Variants in CPA5 observed in about 807,000 individuals in gnomAD.
CPA5 encodes testicular tissue protein Li 32.
In CPA5, 38 loss-of-function variants were observed where a neutral mutation model predicts 52.2. The ratio of observed to expected loss-of-function variants is 0.73; its 90% CI spans 0.56 to 0.95. The LOEUF (loss-of-function observed/expected upper bound fraction) is 0.95. Ranked by LOEUF, CPA5 falls within the 40% of genes least tolerant of loss-of-function variation. The pLI is 0.00. For synonymous variants in CPA5, 198 were observed against 213.7 expected (o/e 0.93, Z 0.64); for missense variants, 519 against 566.7 (o/e 0.92, Z 0.86).
chr7:130,359,118 A>C (rs1466800012), intron 5 of CPA5, among the ~76,000 whole-genome samples: 1 of 152,238 alleles, frequency 6.6e-6, no homozygotes, highest in East Asian at 1.9e-4. Flanking sequence ...GGGTCAGTGC[A>C]CATGGTTCAC....
rs186709488 is a variant in CPA5, at chr7:130,361,002, G to C, written c.433-141G>C. On this transcript the variant is annotated intron_variant, in intron 6 of 12. Coordinates refer to ENST00000474905, the MANE Select transcript of CPA5 (RefSeq NM_080385.5). ...GCTCTATTTTTGCAATTCTTTATCT[G>C]GGTTCTTTTAGACCCTCGAGGGTCT... 69 of 604,314 alleles carry C rather than the reference G, an allele frequency of 1.1e-4. No homozygotes were observed. In the Admixed American group the frequency reaches 1.5e-3, roughly 13 times the overall value. The allele number at this position is 604,314 out of a possible 1,614,324, so 37.4% of individuals were successfully genotyped here. A position where few individuals can be genotyped will look rare whatever the true frequency, so the allele number is the denominator to read the frequency against.
rs782288195 is a variant in CPA5 at position 130,367,916 on chromosome 7, C to A, written c.1049C>A (p.Ala350Asp). The stretch of plus-strand genomic sequence containing the variant: ...AATGTCATCTTGCAGTACGATCTTG[C>A]CAAGGATGCGGTGGAGGCCTTGTAT... ...VSNQRELYDL[A>D]KDAVEALYKV... is the part of the protein sequence containing the mutation. Residue 350 changes from alanine to aspartate, a missense_variant, in exon 12 of 13, where the codon GCC becomes GAC. Coordinates refer to ENST00000474905, the MANE Select transcript of CPA5 (RefSeq NM_080385.5). The A allele has an allele frequency of 6.2e-7, 1 of 1,614,176 alleles. No individual in the cohort carries two copies. The highest frequency in any genetic ancestry group is 8.5e-7 in the Non-Finnish European group (1 of 1,179,998).
chr7:130,347,672 C>G, intron 3 of CPA5, 94 bp from the exon 4 acceptor site: 1 of 1,066,458 alleles, frequency 9.4e-7, no homozygotes, highest in Non-Finnish European at 1.4e-6. Context: ...TGGCCCTCAG[C>G]TGGGCCTCTG....
chr7:130,373,584 G>A (rs1796314092), downstream of CPA5, among the ~76,000 whole-genome samples: 1 of 152,266 alleles, frequency 6.6e-6, no homozygotes, highest in Admixed American at 6.5e-5. Context: ...AGGGAGTGCA[G>A]TGAGGGGCCC....
At chr7:130,367,265 C>T in intron 10 of CPA5, 107 bp from the exon 11 acceptor site, 2 of 956,142 alleles carry the variant, frequency 2.1e-6, no homozygotes, top group South Asian at 2.9e-5. Context: ...CTCAGTCATA[C>T]TGCAAAGGAG....
At chr7:130,373,583 A>C (rs1343964992), downstream of CPA5, among the ~76,000 whole-genome samples, 1 of 152,016 alleles carries the variant, frequency 6.6e-6, no homozygotes, top group Non-Finnish European at 1.5e-5. Flanking sequence ...CAGGGAGTGC[A>C]GTGAGGGGCC....
At chr7:130,369,300 G>C (rs1796263519), downstream of CPA5, among the ~76,000 whole-genome samples, 1 of 152,166 alleles carries the variant, frequency 6.6e-6, no homozygotes, top group Non-Finnish European at 1.5e-5. Context: ...ACACCATCCT[G>C]GTTGTCATCC....
chr7:130,351,740 A>G (rs1238125883), intron 5 of CPA5, among the ~76,000 whole-genome samples: 3 of 152,064 alleles, frequency 2.0e-5, no homozygotes, highest in East Asian at 3.9e-4. Context: ...AGAGCTTTGC[A>G]CCCCTTGGGT....
chr7:130,346,361 G>T, intron 2 of CPA5, 32 bp from the exon 3 acceptor site: 1 of 634,092 alleles, frequency 1.6e-6, no homozygotes, highest in Non-Finnish European at 2.7e-6. Flanking sequence ...CCACATGCTG[G>T]GTGCCCCAGA....
Position 130,368,727 on chromosome 7 carries a change from A to G in CPA5, c.*130A>G. On this transcript the variant is annotated 3_prime_UTR_variant, in exon 13 of 13. Coordinates refer to ENST00000474905, the MANE Select transcript of CPA5 (RefSeq NM_080385.5). ...TTAGAAAATAAATACAAGTTTGAAC[A>G]GGCTTCGCTGCCTCTCGTGTTGGCT... 1.1e-6 allele frequency: 1 copy of G among 943,158 alleles called. No homozygotes were observed. 58.4% of individuals were successfully genotyped at this position (943,158 alleles called of 1,614,324 possible).
At chr7:130,363,731 C>G (rs1012412456) in intron 10 of CPA5, among the ~76,000 whole-genome samples, 5 of 152,104 alleles carry the variant, frequency 3.3e-5, no homozygotes, top group African/African-American at 1.2e-4. Flanking sequence ...ACACATGTGC[C>G]AAACCTTCAC....
At chr7:130,367,699 G>GGT (rs1796175700) in intron 11 of CPA5, 128 bp downstream of exon 11, 1 of 981,862 alleles carries the variant, frequency 1.0e-6, no homozygotes, top group South Asian at 1.4e-5. Flanking sequence ...ACCCCATGGT[G>GGT]CGGGGGTGGG....
At chr7:130,369,248 C>T (rs559488815), downstream of CPA5, among the ~76,000 whole-genome samples, 1 of 152,114 alleles carries the variant, frequency 6.6e-6, no homozygotes, top group Non-Finnish European at 1.5e-5. Context: ...ATCAAAGCAC[C>T]GCATATCCAG....
chr7:130,364,830 T>C (rs1343213134), intron 10 of CPA5, among the ~76,000 whole-genome samples: 4 of 152,116 alleles, frequency 2.6e-5, no homozygotes, highest in Admixed American at 2.6e-4. Context: ...GATTGGGAAA[T>C]TGAGGCCTCC....
intron 5 of CPA5, among the ~76,000 whole-genome samples, chr7:130,359,085 G>A (rs956397923): frequency 2.6e-5 from 4 of 152,188 alleles, no homozygotes; most frequent in Admixed American, 2.0e-4. Flanking sequence ...GGGGGTCAGA[G>A]GAACCCTCTG....
At chr7:130,355,667 C>T (rs1795437095) in intron 5 of CPA5, among the ~76,000 whole-genome samples, 1 of 152,208 alleles carries the variant, frequency 6.6e-6, no homozygotes, top group Admixed American at 6.5e-5. Context: ...CCTTGGCATC[C>T]CAAAGTGCTG....
At chr7:130,367,065 C>T (rs538285313) in intron 10 of CPA5, among the ~76,000 whole-genome samples, 11 of 152,310 alleles carry the variant, frequency 7.2e-5, no homozygotes, top group Admixed American at 1.3e-4. Context: ...AGGTGACTCT[C>T]CTTGGCGGCT....
At chr7:130,368,330 C>T in intron 12 of CPA5, 80 bp from the exon 13 acceptor site, 1 of 1,425,806 alleles carries the variant, frequency 7.0e-7, no homozygotes. Context: ...GGCTCACTTT[C>T]CACCCAGGAT....
At chr7:130,349,459 G>C (rs1554403255) in intron 4 of CPA5, among the ~76,000 whole-genome samples, 1 of 151,990 alleles carries the variant, frequency 6.6e-6, no homozygotes, top group African/African-American at 2.4e-5. Context: ...CTTTATTATA[G>C]GTCTGTCAAA....
Sources: gnomAD v4.1 joint callset for allele counts (sites outside exome capture counted in the v4.1 genomes callset) on GRCh38, gnomAD v4.1.1 for gene constraint, MANE v1.5 for transcripts, NCBI Gene and HGNC (gene_info 2026-07-23, HGNC 2026-07-21) for gene names.